The following ITGA9 variants were observed in gnomAD, a reference collection of about 807,000 sequenced individuals.
The protein encoded by ITGA9 is integrin subunit alpha 9, also known as integrin alpha-9.
In ITGA9, 56 loss-of-function variants were observed where a neutral mutation model predicts 127.8. That is an observed-to-expected ratio of 0.44 (90% CI 0.35 to 0.55). The LOEUF (loss-of-function observed/expected upper bound fraction) is 0.55. Ranked by LOEUF, ITGA9 falls within the 20% of genes least tolerant of loss-of-function variation. ITGA9 has a pLI of 0.00. For synonymous variants in ITGA9, 508 were observed against 514.5 expected (o/e 0.99, Z 0.17); for missense variants, 1,196 against 1,347.1 (o/e 0.89, Z 1.76).
intron 15 of ITGA9, among the ~76,000 whole-genome samples, chr3:37,612,443 A>C (rs1037484776): frequency 2.6e-5 from 4 of 152,220 alleles, no homozygotes; most frequent in African/African-American, 9.6e-5. Flanking sequence ...CAATATTTCA[A>C]GGTGTCTACA....
At chr3:37,587,777 G>A (rs139446867) in intron 15 of ITGA9, among the ~76,000 whole-genome samples, 515 of 152,368 alleles carry the variant, frequency 3.4e-3, no homozygotes, top group Non-Finnish European at 6.1e-3. Flanking sequence ...TCCGTTTTAT[G>A]AGAGAACAGA....
At chr3:37,686,318 T>A (rs1385115923) in intron 18 of ITGA9, among the ~76,000 whole-genome samples, 1 of 151,942 alleles carries the variant, frequency 6.6e-6, no homozygotes, top group Non-Finnish European at 1.5e-5. Flanking sequence ...TTGGTCTGAT[T>A]TATGGGCTGG....
intron 23 of ITGA9, among the ~76,000 whole-genome samples, chr3:37,766,398 T>G (rs976775056): frequency 3.9e-5 from 6 of 152,198 alleles, no homozygotes; most frequent in African/African-American, 9.7e-5. Flanking sequence ...TGAGACTTAA[T>G]GAAGGACACT....
chr3:37,623,130 G>A (rs973069827), intron 15 of ITGA9, among the ~76,000 whole-genome samples: 1 of 151,756 alleles, frequency 6.6e-6, no homozygotes, highest in African/African-American at 2.4e-5. Flanking sequence ...GTCACTGGTC[G>A]TCTTTTCTGC....
chr3:37,670,111 C>CT (rs752633855), intron 17 of ITGA9, among the ~76,000 whole-genome samples: 19,924 of 144,370 alleles, frequency 0.14, 2,108 homozygotes, highest in African/African-American at 0.31. Flanking sequence ...AATGTTAAAA[C>CT]TTTTTTTTTT....
chr3:37,790,938 G>A (rs4679005), intron 26 of ITGA9: 5 of 151,992 alleles, frequency 3.3e-5, no homozygotes, highest in African/African-American at 1.2e-4. Context: ...CAGGAGAAAC[G>A]TAGTTAATCA....
intron 26 of ITGA9, among the ~76,000 whole-genome samples, chr3:37,789,226 T>G (rs1425258796): frequency 6.6e-6 from 1 of 152,110 alleles, no homozygotes; most frequent in African/African-American, 2.4e-5. Context: ...AACACCTAAC[T>G]TGGAAAGTAA....
chr3:37,515,353 G>A (rs1214131906), intron 9 of ITGA9, among the ~76,000 whole-genome samples: 1 of 152,186 alleles, frequency 6.6e-6, no homozygotes, highest in Non-Finnish European at 1.5e-5. Context: ...GTTGGGAGAG[G>A]GCAGAGGTTT....
chr3:37,586,727 G>T (rs368975695), intron 15 of ITGA9, among the ~76,000 whole-genome samples: 7 of 152,184 alleles, frequency 4.6e-5, no homozygotes, highest in African/African-American at 1.7e-4. Context: ...TTGCTGGGCA[G>T]CCTGGGCTGC....
intron 6 of ITGA9, among the ~76,000 whole-genome samples, chr3:37,504,696 A>G (rs1018267127): frequency 6.6e-6 from 1 of 152,184 alleles, no homozygotes; most frequent in African/African-American, 2.4e-5. Flanking sequence ...CTTTGTATAC[A>G]CATTAGAGGC....
chr3:37,737,259 AG>A (rs2125531080), intron 20 of ITGA9, among the ~76,000 whole-genome samples: 1 of 152,340 alleles, frequency 6.6e-6, no homozygotes, highest in Non-Finnish European at 1.5e-5. Context: ...AGACAGGCCC[AG>A]GGGGGTGAGG....
intron 11 of ITGA9, among the ~76,000 whole-genome samples, chr3:37,522,501 A>G (rs115163067): frequency 1.5e-3 from 228 of 152,238 alleles, no homozygotes; most frequent in Middle Eastern, 6.8e-3. Context: ...TGAGGCAGGA[A>G]CATCGTTTGA....
At chr3:37,724,369 G>A (rs1005197908) in intron 18 of ITGA9, among the ~76,000 whole-genome samples, 2 of 152,160 alleles carry the variant, frequency 1.3e-5, no homozygotes, top group South Asian at 2.1e-4. Flanking sequence ...GGCAAAGAGG[G>A]TGGCACCCTG....
chr3:37,735,347 G>A (rs115621162), intron 19 of ITGA9, among the ~76,000 whole-genome samples: 1 of 151,846 alleles, frequency 6.6e-6, no homozygotes, highest in South Asian at 2.1e-4. Context: ...CCCACAGTAA[G>A]CTGACCAGTC....
At chr3:37,637,688 T>C (rs1700294005) in intron 16 of ITGA9, among the ~76,000 whole-genome samples, 1 of 151,518 alleles carries the variant, frequency 6.6e-6, no homozygotes, top group African/African-American at 2.4e-5. Flanking sequence ...TGTTTTTGTG[T>C]TTTGAGACAA....
chr3:37,817,540 C>A (rs986761552), intron 27 of ITGA9, among the ~76,000 whole-genome samples: 3 of 152,170 alleles, frequency 2.0e-5, no homozygotes, highest in African/African-American at 7.2e-5. Flanking sequence ...ACTGGTAGAA[C>A]GTACACCTCA....
chr3:37,657,853 C>T (rs1700494066), intron 17 of ITGA9, among the ~76,000 whole-genome samples: 1 of 152,166 alleles, frequency 6.6e-6, no homozygotes, highest in African/African-American at 2.4e-5. Flanking sequence ...TTCCTCTAAA[C>T]ACTGCTTTAG....
At chr3:37,601,060 A>C (rs938295530) in intron 15 of ITGA9, among the ~76,000 whole-genome samples, 1 of 152,186 alleles carries the variant, frequency 6.6e-6, no homozygotes, top group Non-Finnish European at 1.5e-5. Context: ...TTCCCCATGG[A>C]CCATGGTGGG....
rs1212780146 is a variant in ITGA9, at chr3:37,479,936, A to G, written c.421-1548A>G. ...CAGAGGTAGGCCATAAGAACGCTAA[A>G]TGTTATCACTTACGAAAACAATGCG... On this transcript the variant is annotated intron_variant, in intron 3 of 27. Coordinates refer to ENST00000264741, the MANE Select transcript of ITGA9 (RefSeq NM_002207.3). Among the ~76,000 whole-genome samples the G allele has an allele frequency of 1.3e-5, 2 of 152,204 alleles. 1 individual carries two copies. The highest frequency in any genetic ancestry group is 2.9e-5 in the Non-Finnish European group (2 of 68,026).
Sources: gnomAD v4.1 joint callset for allele counts (sites outside exome capture counted in the v4.1 genomes callset) on GRCh38, gnomAD v4.1.1 for gene constraint, MANE v1.5 for transcripts, NCBI Gene and HGNC (gene_info 2026-07-23, HGNC 2026-07-21) for gene names.